BNC2: variants seen among roughly 807,000 people sequenced by gnomAD.
BNC2 encodes zinc finger protein basonuclin-2.
A neutral mutation model predicts 76.3 loss-of-function variants in BNC2; 20 were observed. The ratio of observed to expected loss-of-function variants is 0.26; its 90% CI spans 0.18 to 0.38. The LOEUF is 0.38. Among genes scored for constraint, BNC2 ranks in the 10% least tolerant of loss-of-function variants. The probability of loss-of-function intolerance (pLI) is 1.00; values close to 1 mark genes in which losing one functional copy is unlikely to be tolerated. For missense variants in BNC2, 1,382 were observed against 1,399.8 expected, an observed-to-expected ratio of 0.99 and a Z score of 0.20; for synonymous variants, 582 against 514.8, an observed-to-expected ratio of 1.13 and a Z score of -1.77.
intron 5 of BNC2, among the ~76,000 whole-genome samples, chr9:16,479,708 A>G (rs1330569406): frequency 6.6e-6 from 1 of 152,242 alleles, no homozygotes; most frequent in African/African-American, 2.4e-5. Context: ...TTTAAAGTAC[A>G]GAAATAAACA....
At chr9:16,669,547 G>C (rs1162286249) in intron 3 of BNC2, among the ~76,000 whole-genome samples, 1 of 152,174 alleles carries the variant, frequency 6.6e-6, no homozygotes, top group Non-Finnish European at 1.5e-5. Flanking sequence ...TCTTATAACA[G>C]TTATAAATTC....
At chr9:16,765,638 T>A (rs968535506) in intron 1 of BNC2, among the ~76,000 whole-genome samples, 2 of 152,148 alleles carry the variant, frequency 1.3e-5, no homozygotes, top group Admixed American at 6.5e-5. Context: ...CCAAACTCTT[T>A]TGGTAAAAGT....
At chr9:16,521,824 C>G (rs906538014) in intron 5 of BNC2, among the ~76,000 whole-genome samples, 2 of 152,112 alleles carry the variant, frequency 1.3e-5, no homozygotes, top group African/African-American at 4.8e-5. Context: ...TAAGCCACAG[C>G]AAGAAATCCA....
intron 3 of BNC2, among the ~76,000 whole-genome samples, chr9:16,687,959 T>G (rs1823024950): frequency 1.3e-5 from 2 of 152,156 alleles, no homozygotes; most frequent in South Asian, 4.1e-4. Context: ...GTTTCAACAA[T>G]CATAATCACA....
intron 5 of BNC2, among the ~76,000 whole-genome samples, chr9:16,540,131 C>T (rs531756323): frequency 1.9e-4 from 28 of 151,216 alleles, no homozygotes; most frequent in African/African-American, 6.1e-4. Flanking sequence ...ATCTGACCCC[C>T]GCAACCATGC....
intron 3 of BNC2, among the ~76,000 whole-genome samples, chr9:16,706,978 G>C (rs933262884): frequency 6.6e-6 from 1 of 152,172 alleles, no homozygotes; most frequent in Non-Finnish European, 1.5e-5. Context: ...CGAGACGGGC[G>C]GATCACGAGG....
intron 5 of BNC2, among the ~76,000 whole-genome samples, chr9:16,503,335 A>G (rs1475177978): frequency 6.6e-6 from 1 of 152,150 alleles, no homozygotes; most frequent in Non-Finnish European, 1.5e-5. Context: ...TCCAAACACT[A>G]TACCACGGAT....
intron 2 of BNC2, among the ~76,000 whole-genome samples, chr9:16,729,548 T>G (rs1824446797): frequency 6.6e-6 from 1 of 151,474 alleles, no homozygotes; most frequent in Admixed American, 6.6e-5. Flanking sequence ...CTGTTAAACT[T>G]CCCTCCAGTT....
intron 5 of BNC2, among the ~76,000 whole-genome samples, chr9:16,467,911 C>A (rs931178853): frequency 4.0e-5 from 6 of 151,802 alleles, no homozygotes; most frequent in African/African-American, 1.2e-4. Context: ...TGACCAGGTT[C>A]TTATGCTTCA....
At chr9:16,694,472 G>C (rs1823276166) in intron 3 of BNC2, among the ~76,000 whole-genome samples, 1 of 152,164 alleles carries the variant, frequency 6.6e-6, no homozygotes, top group Admixed American at 6.5e-5. Context: ...CTCTGGACTA[G>C]CACCTTGGCC....
chr9:16,658,172 A>G (rs549377992), intron 3 of BNC2, among the ~76,000 whole-genome samples: 10 of 152,180 alleles, frequency 6.6e-5, no homozygotes, highest in Non-Finnish European at 1.3e-4. Context: ...CCAAATCAGT[A>G]ATACATGTAG....
At chr9:16,636,516 T>A (rs1037640678) in intron 3 of BNC2, among the ~76,000 whole-genome samples, 6 of 151,982 alleles carry the variant, frequency 3.9e-5, no homozygotes, top group Admixed American at 1.3e-4. Flanking sequence ...TTGCCTAGGG[T>A]GGTCTTGAAC....
intron 1 of BNC2, among the ~76,000 whole-genome samples, chr9:16,766,902 C>A (rs925257567): frequency 1.3e-5 from 2 of 152,152 alleles, no homozygotes; most frequent in African/African-American, 4.8e-5. Flanking sequence ...ACTCCCCTAC[C>A]CAGTTTTATG....
At chr9:16,761,623 G>A (rs10810617) in intron 1 of BNC2, among the ~76,000 whole-genome samples, 19,754 of 152,124 alleles carry the variant, frequency 0.13, 1,677 homozygotes, top group African/African-American at 0.21. Context: ...CAACATACTC[G>A]TAAGTTCAGG....
intron 1 of BNC2, among the ~76,000 whole-genome samples, chr9:16,794,420 C>A (rs12376135): frequency 0.1 from 15,842 of 152,136 alleles, 1,309 homozygotes; most frequent in East Asian, 0.3. Context: ...TGTTTCCAAC[C>A]GCCACCCCCA....
intron 2 of BNC2, among the ~76,000 whole-genome samples, chr9:16,737,316 T>A (rs1454951846): frequency 8.2e-5 from 12 of 146,156 alleles, no homozygotes; most frequent in Non-Finnish European, 1.7e-4. Flanking sequence ...AGTGGCGCAA[T>A]CTTGGCTTAC....
intron 1 of BNC2, among the ~76,000 whole-genome samples, chr9:16,859,460 G>C (rs2061002990): frequency 1.3e-5 from 2 of 152,192 alleles, no homozygotes; most frequent in African/African-American, 4.8e-5. Context: ...TCTATCTACA[G>C]ATGAATGGAT....
At chr9:16,478,598 T>G (rs1009115934) in intron 5 of BNC2, among the ~76,000 whole-genome samples, 1 of 152,254 alleles carries the variant, frequency 6.6e-6, no homozygotes, top group East Asian at 1.9e-4. Flanking sequence ...ATGAACAGTG[T>G]TAGTGTAACA....
At chr9:16,821,745 T>C (rs1351786785) in intron 1 of BNC2, among the ~76,000 whole-genome samples, 1 of 151,750 alleles carries the variant, frequency 6.6e-6, no homozygotes, top group African/African-American at 2.4e-5. Context: ...GGTCAGGAGT[T>C]CAAGACCAGC....
Sources: allele counts gnomAD v4.1 joint callset (sites outside exome capture counted in the v4.1 genomes callset), GRCh38; gene constraint gnomAD v4.1.1; transcripts MANE v1.5; gene names NCBI Gene and HGNC (gene_info 2026-07-23, HGNC 2026-07-21).